The following AGPAT3 variants were observed in gnomAD, a reference collection of about 807,000 sequenced individuals.
The protein encoded by AGPAT3 is 1-acylglycerol-3-phosphate O-acyltransferase 3, also known as 1-acyl-sn-glycerol-3-phosphate acyltransferase gamma.
AGPAT3 carries 5 observed loss-of-function variants against 47.3 expected under a neutral mutation model. The ratio of observed to expected loss-of-function variants is 0.11; its 90% CI spans 0.06 to 0.22. The LOEUF is 0.22. Ranked by LOEUF, AGPAT3 falls within the 10% of genes least tolerant of loss-of-function variation. The pLI is 1.00. For missense variants in AGPAT3, 315 were observed against 493.0 expected (o/e 0.64, Z 3.42); for synonymous variants, 212 against 208.3 (o/e 1.02, Z -0.15).
intron 2 of AGPAT3, among the ~76,000 whole-genome samples, chr21:43,917,084 C>A (rs149000135): frequency 3.9e-5 from 6 of 152,200 alleles, no homozygotes; most frequent in African/African-American, 1.4e-4. Flanking sequence ...GGGCACCCTG[C>A]GGGCAAGTGA....
intron 1 of AGPAT3, among the ~76,000 whole-genome samples, chr21:43,877,803 CGTT>C (rs1364290174): frequency 6.6e-6 from 1 of 152,140 alleles, no homozygotes; most frequent in African/African-American, 2.4e-5. Context: ...CCATTCCCAT[CGTT>C]GTTCTGGTAT....
intron 2 of AGPAT3, among the ~76,000 whole-genome samples, chr21:43,907,282 G>A (rs879304001): frequency 9.9e-5 from 15 of 152,020 alleles, no homozygotes; most frequent in East Asian, 3.9e-4. Flanking sequence ...TGCCGGCCTC[G>A]GCCTCCCAAA....
Position 43,951,854 on chromosome 21 carries a change from G to A in AGPAT3, c.-48-7780G>A, listed in dbSNP as rs147270175. On this transcript the variant is annotated intron_variant, in intron 2 of 9. Coordinates refer to ENST00000291572, the MANE Select transcript of AGPAT3 (RefSeq NM_020132.5). ...GGCCTGGCAGCGGTGCGGAGGTGGT[G>A]GGCTCGGAACTGTAGTTTCCATTCC... Among the ~76,000 whole-genome samples the A allele has an allele frequency of 5.0e-4, 76 of 152,326 alleles. 1 individual carries two copies. The highest frequency in any genetic ancestry group is 1.8e-3 in the African/African-American group (76 of 41,558).
Position 43,930,420 on chromosome 21 carries a change from A to G in AGPAT3, c.-49+26401A>G, listed in dbSNP as rs944806012. Reference sequence around the variant, plus strand: ...GGATCATTTGTGTAAAGCACCTGCCACTGAGTGTGACCTCAGGGTTGCCCG... The same window carrying G: ...GGATCATTTGTGTAAAGCACCTGCCGCTGAGTGTGACCTCAGGGTTGCCCG... On this transcript the variant is annotated intron_variant, in intron 2 of 9. Transcript: ENST00000291572. This position sits in a 1 kb window ranked among gnomAD's most constrained non-coding sequence, Gnocchi z 5.0. Among the ~76,000 whole-genome samples, 1 of 152,172 alleles carries G rather than the reference A, an allele frequency of 6.6e-6. No homozygotes were observed. Among genetic ancestry groups the G allele is most frequent in the Non-Finnish European group, 1.5e-5 (1 of 68,028 alleles).
Position 43,932,939 on chromosome 21 carries a change from C to T in AGPAT3, c.-48-26695C>T, listed in dbSNP as rs552880132. 1.2e-4 allele frequency among the ~76,000 whole-genome samples: 18 copies of T among 152,268 alleles called. No individual in the cohort carries two copies. The highest frequency in any genetic ancestry group is 1.9e-4 in the East Asian group (1 of 5,180). ...TGCTGGGATTACAGGTGTGAGCCACCGCCCTGGGCCAGTAGTTCCATTTTT... is the reference window on the plus strand; with the variant it reads ...TGCTGGGATTACAGGTGTGAGCCACTGCCCTGGGCCAGTAGTTCCATTTTT... On this transcript the variant is annotated intron_variant, in intron 2 of 9. Coordinates refer to ENST00000291572, the MANE Select transcript of AGPAT3 (RefSeq NM_020132.5). This position sits in a 1 kb window ranked among gnomAD's most constrained non-coding sequence, Gnocchi z 5.2.
chr21:43,943,310 G>A (rs1056266504), intron 2 of AGPAT3, among the ~76,000 whole-genome samples: 10 of 152,120 alleles, frequency 6.6e-5, no homozygotes, highest in Admixed American at 1.3e-4. Flanking sequence ...TCCTGACCTC[G>A]TGATCCACCT....
Position 43,933,848 on chromosome 21 carries a change from G to A in AGPAT3, c.-48-25786G>A, listed in dbSNP as rs1020836807. On this transcript the variant is annotated intron_variant, in intron 2 of 9. Transcript: ENST00000291572. This position sits in a 1 kb window ranked among gnomAD's most constrained non-coding sequence, Gnocchi z 6.0. ...CTCCCGCGCCTGCCACGAGCCTCAC[G>A]TGGAGAGTGGACAGTGGCATGGAAA... Among the ~76,000 whole-genome samples, 5 of 152,132 alleles carry A rather than the reference G, an allele frequency of 3.3e-5. No homozygotes were observed. Among genetic ancestry groups the A allele is most frequent in the Non-Finnish European group, 4.4e-5 (3 of 68,020 alleles).
At chr21:43,978,349 C>A (rs1393135932) in intron 8 of AGPAT3, among the ~76,000 whole-genome samples, 1 of 152,218 alleles carries the variant, frequency 6.6e-6, no homozygotes, top group Non-Finnish European at 1.5e-5. Flanking sequence ...GTCACCCAGG[C>A]TGGAGTGCAG....
chr21:43,870,642 A>T (rs778029117), intron 1 of AGPAT3, among the ~76,000 whole-genome samples: 37 of 152,262 alleles, frequency 2.4e-4, no homozygotes, highest in Non-Finnish European at 2.6e-4. Context: ...GAATGCCTTG[A>T]ACCTGGGAGG....
rs989183709 is a variant in AGPAT3, at chr21:43,922,548, A to G, written c.-49+18529A>G. Among the ~76,000 whole-genome samples the G allele has an allele frequency of 1.3e-5, 2 of 152,116 alleles. No homozygotes were observed. Among genetic ancestry groups the G allele is most frequent in the Non-Finnish European group, 2.9e-5 (2 of 68,006 alleles). The stretch of plus-strand genomic sequence containing the variant: ...GAGTGTCCCTGTGTCCCTGGAAGAG[A>G]GGCCTGCATGGCAGGGGGCACAGAG... On this transcript the variant is annotated intron_variant, in intron 2 of 9. Coordinates refer to ENST00000291572, the MANE Select transcript of AGPAT3 (RefSeq NM_020132.5). This position sits in a 1 kb window ranked among gnomAD's most constrained non-coding sequence, Gnocchi z 4.9.
rs2030247038 is a variant in AGPAT3 at position 43,985,958 on chromosome 21, TTCTC to T, written c.*3568_*3571del. The stretch of plus-strand genomic sequence containing the variant: ...CGTCCCCGGCCGTGTGCCTGCCCCT[TTCTC>T]TACTGAGCTAGTCCCCAAACCAAAG... On this transcript the variant is annotated 3_prime_UTR_variant, in exon 10 of 10. Transcript: ENST00000291572. 1 of 152,396 alleles carries T rather than the reference TTCTC, an allele frequency of 6.6e-6. No individual in the cohort carries two copies. Among genetic ancestry groups the T allele is most frequent in the African/African-American group, 2.4e-5 (1 of 41,434 alleles). 9.4% of individuals were successfully genotyped at this position (152,396 alleles called of 1,614,324 possible).
At chr21:43,936,526 G>A (rs542986870) in intron 2 of AGPAT3, among the ~76,000 whole-genome samples, 1 of 152,350 alleles carries the variant, frequency 6.6e-6, no homozygotes, top group South Asian at 2.1e-4. Flanking sequence ...GATTTCTCCG[G>A]CAGAGGAAGA....
At chr21:43,937,792 T>G (rs1030086050) in intron 2 of AGPAT3, among the ~76,000 whole-genome samples, 2 of 152,156 alleles carry the variant, frequency 1.3e-5, no homozygotes, top group Admixed American at 1.3e-4. Flanking sequence ...TCCAAAAGAC[T>G]CCTTTCTCTC....
At chr21:43,889,755 G>T (rs1015132864) in intron 1 of AGPAT3, among the ~76,000 whole-genome samples, 1 of 152,178 alleles carries the variant, frequency 6.6e-6, no homozygotes, top group African/African-American at 2.4e-5. Context: ...AAAAAAAACA[G>T]TGTGCATGCC....
chr21:43,942,333 C>T (rs959388946), intron 2 of AGPAT3, among the ~76,000 whole-genome samples: 11 of 152,160 alleles, frequency 7.2e-5, no homozygotes, highest in African/African-American at 2.4e-4. Flanking sequence ...AGGGAGGCCT[C>T]GCCAGCTCCC....
chr21:43,938,002 C>G (rs1208800015), intron 2 of AGPAT3, among the ~76,000 whole-genome samples: 1 of 151,986 alleles, frequency 6.6e-6, no homozygotes, highest in East Asian at 1.9e-4. Flanking sequence ...TTGTCTGGGT[C>G]CTCGCTGCAG....
intron 1 of AGPAT3, among the ~76,000 whole-genome samples, chr21:43,899,526 G>A (rs1028188627): frequency 6.6e-6 from 1 of 152,164 alleles, no homozygotes; most frequent in Non-Finnish European, 1.5e-5. Context: ...ATTCGTGACC[G>A]GATCCCCGGG....
chr21:43,942,749 G>A (rs1286698009), intron 2 of AGPAT3, among the ~76,000 whole-genome samples: 1 of 152,204 alleles, frequency 6.6e-6, no homozygotes, highest in Admixed American at 6.5e-5. Context: ...CGGTCACCCT[G>A]GGCTGCTGTG....
At chr21:43,975,722 G>C (rs894972417) in intron 7 of AGPAT3, among the ~76,000 whole-genome samples, 4 of 152,152 alleles carry the variant, frequency 2.6e-5, no homozygotes, top group Admixed American at 6.6e-5. Context: ...CTTAATTTTG[G>C]GTTTTTTTTG....
Sources: allele counts gnomAD v4.1 joint callset (sites outside exome capture counted in the v4.1 genomes callset), GRCh38; gene constraint gnomAD v4.1.1; non-coding constraint Gnocchi (gnomAD v3.1); transcripts MANE v1.5; gene names NCBI Gene and HGNC (gene_info 2026-07-23, HGNC 2026-07-21).